Variants in ABCG1 observed in about 807,000 individuals in gnomAD.
ABCG1 encodes ATP-binding cassette sub-family G member 1.
Under a neutral mutation model 69.2 loss-of-function variants are expected in ABCG1, and 29 were observed. The observed-to-expected ratio is 0.42, with a 90% confidence interval of 0.31 to 0.57. ABCG1 has a LOEUF of 0.57. Among genes scored for constraint, ABCG1 ranks in the 20% least tolerant of loss-of-function variants. ABCG1 has a pLI of 0.15. For synonymous variants in ABCG1, 370 were observed against 374.8 expected (o/e 0.99, Z 0.15); for missense variants, 718 against 898.1 (o/e 0.80, Z 2.56).
chr21:42,278,952 G>T (rs1275294756), intron 5 of ABCG1, among the ~76,000 whole-genome samples: 1 of 152,010 alleles, frequency 6.6e-6, no homozygotes, highest in East Asian at 1.9e-4. Flanking sequence ...GCAAGAGTGT[G>T]CAGGGCCCCC....
upstream of ABCG1, among the ~76,000 whole-genome samples, chr21:42,211,292 A>C (rs1294656850): frequency 6.6e-6 from 1 of 151,980 alleles, no homozygotes; most frequent in East Asian, 1.9e-4. Context: ...GAACCAACAC[A>C]CAGAGTTGCT....
chr21:42,286,157 C>G (rs1041343876), intron 8 of ABCG1, 163 bp downstream of exon 8: 1 of 594,256 alleles, frequency 1.7e-6, no homozygotes, highest in Non-Finnish European at 3.0e-6. Context: ...AATTAGGTTT[C>G]ATTTCCTCTA....
chr21:42,276,029 C>T lies in ABCG1; in HGVS notation c.538-866C>T, dbSNP rs2123748956. Among the ~76,000 whole-genome samples, 1 of 145,872 alleles carries T rather than the reference C, an allele frequency of 6.9e-6. No homozygotes were observed. The highest frequency in any genetic ancestry group is 2.4e-4 in the South Asian group (1 of 4,114). ...TCCCCGCCACCGCCCTGCATCTCACCCTCTCCTCTGATCCTCACAGCAACT... is the reference window on the plus strand; with the variant it reads ...TCCCCGCCACCGCCCTGCATCTCACTCTCTCCTCTGATCCTCACAGCAACT... On this transcript the variant is annotated intron_variant, in intron 4 of 14. Coordinates refer to ENST00000398449, the MANE Select transcript of ABCG1 (RefSeq NM_016818.3). The surrounding 1 kb of genome is among the most constrained non-coding windows in gnomAD (Gnocchi z 5.3).
chr21:42,199,737 T>C (rs1156740956), exon 1 of ABCG1: 1 of 152,226 alleles, frequency 6.6e-6, no homozygotes, highest in African/African-American at 2.4e-5. Flanking sequence ...ATGCCTGCAG[T>C]GGTGAAAACT....
chr21:42,269,524 TC>T, intron 2 of ABCG1, among the ~76,000 whole-genome samples: 1 of 152,310 alleles, frequency 6.6e-6, no homozygotes, highest in Non-Finnish European at 1.5e-5. Context: ...TGAGCTGCTC[TC>T]CAGCCCCAGC....
At chr21:42,260,870 G>A (rs1046232088) in intron 2 of ABCG1, among the ~76,000 whole-genome samples, 2 of 151,812 alleles carry the variant, frequency 1.3e-5, no homozygotes, top group Admixed American at 6.6e-5. Flanking sequence ...CCAGGCTGGA[G>A]TGCAGTGGCA....
intron 2 of ABCG1, among the ~76,000 whole-genome samples, chr21:42,204,347 G>C (rs1419485038): frequency 6.6e-6 from 1 of 152,162 alleles, no homozygotes; most frequent in Non-Finnish European, 1.5e-5. Context: ...GAAGCATTGA[G>C]TTGTTCACTA....
chr21:42,225,949 G>A (rs1408396188), intron 2 of ABCG1, 35 bp downstream of exon 2: 1 of 1,600,966 alleles, frequency 6.2e-7, no homozygotes, highest in Admixed American at 1.7e-5. Context: ...ATCAAGCTGG[G>A]AGGAGCCTCT....
chr21:42,223,481 G>T (rs2032260), intron 1 of ABCG1, among the ~76,000 whole-genome samples: 58,633 of 151,732 alleles, frequency 0.39, 11,538 homozygotes, highest in Middle Eastern at 0.49. Flanking sequence ...ATGGGGAAAA[G>T]GCACCCACCA....
At chr21:42,282,149 C>T in intron 5 of ABCG1, 125 bp from the exon 6 acceptor site, 1 of 1,361,798 alleles carries the variant, frequency 7.3e-7, no homozygotes, top group Non-Finnish European at 9.9e-7. Flanking sequence ...TGCGTGGCCT[C>T]CACGTGGGCC....
intron 5 of ABCG1, among the ~76,000 whole-genome samples, chr21:42,277,667 C>T (rs930148937): frequency 6.6e-6 from 1 of 152,202 alleles, no homozygotes; most frequent in African/African-American, 2.4e-5. Flanking sequence ...TTGGGGAAAC[C>T]CCCCTTCTAT....
At chr21:42,225,984 C>T in intron 2 of ABCG1, 70 bp downstream of exon 2, 1 of 1,561,776 alleles carries the variant, frequency 6.4e-7, no homozygotes, top group Non-Finnish European at 8.7e-7. Flanking sequence ...GTTGTTTGGG[C>T]AAAATCGGGG....
chr21:42,243,383 G>T (rs540519954), intron 2 of ABCG1, among the ~76,000 whole-genome samples: 1 of 152,028 alleles, frequency 6.6e-6, no homozygotes, highest in African/African-American at 2.4e-5. Context: ...ATTTAAGAGA[G>T]AGCAGATTTT....
intron 2 of ABCG1, among the ~76,000 whole-genome samples, chr21:42,232,316 G>T (rs1315698124): frequency 1.3e-5 from 2 of 152,188 alleles, no homozygotes; most frequent in Non-Finnish European, 2.9e-5. Flanking sequence ...TTCTCCCTGT[G>T]AGCACGTTGC....
At chr21:42,235,498 C>T (rs1453968949) in intron 2 of ABCG1, among the ~76,000 whole-genome samples, 1 of 152,080 alleles carries the variant, frequency 6.6e-6, no homozygotes, top group Admixed American at 6.5e-5. Flanking sequence ...CCAAAGGGGT[C>T]GGGAACAGCT....
intron 2 of ABCG1, among the ~76,000 whole-genome samples, chr21:42,238,136 T>A (rs781208263): frequency 2.6e-5 from 4 of 152,240 alleles, no homozygotes; most frequent in Non-Finnish European, 5.9e-5. Context: ...CTCTTTCTAA[T>A]AATAATAGTA....
intron 2 of ABCG1, among the ~76,000 whole-genome samples, chr21:42,265,672 G>C (rs1029441164): frequency 2.0e-5 from 3 of 152,188 alleles, no homozygotes; most frequent in African/African-American, 4.8e-5. Context: ...CCCTGGAAAG[G>C]GGTCAGCTCT....
At chr21:42,270,910 C>G (rs1459775947) in intron 2 of ABCG1, among the ~76,000 whole-genome samples, 160 bp from the exon 3 acceptor site, 3 of 152,136 alleles carry the variant, frequency 2.0e-5, no homozygotes, top group Non-Finnish European at 2.9e-5. Flanking sequence ...CCAGGGAATT[C>G]GAAAGACATG....
At chr21:42,216,665 G>C (rs557457826), upstream of ABCG1, among the ~76,000 whole-genome samples, 1 of 152,320 alleles carries the variant, frequency 6.6e-6, no homozygotes, top group South Asian at 2.1e-4. Context: ...GCTGAGGACA[G>C]AGTAGTACAG....
Sources: allele counts gnomAD v4.1 joint callset (sites outside exome capture counted in the v4.1 genomes callset), GRCh38; gene constraint gnomAD v4.1.1; non-coding constraint Gnocchi (gnomAD v3.1); transcripts MANE v1.5; gene names NCBI Gene and HGNC (gene_info 2026-07-23, HGNC 2026-07-21).